Variants in DKK2 observed in about 807,000 individuals in gnomAD.
DKK2 encodes dickkopf Wnt signaling pathway inhibitor 2.
In DKK2, 11 loss-of-function variants were observed where a neutral mutation model predicts 28.1. The observed-to-expected ratio is 0.39, with a 90% CI of 0.25 to 0.65. The LOEUF (loss-of-function observed/expected upper bound fraction) is 0.65. DKK2 is among the 30% of genes least tolerant of loss of function. The probability of loss-of-function intolerance (pLI) is 0.47; values close to 1 mark genes in which losing one functional copy is unlikely to be tolerated. For missense variants in DKK2, 326 were observed against 335.5 expected, an observed-to-expected ratio of 0.97 and a Z score of 0.22; for synonymous variants, 135 against 126.5, an observed-to-expected ratio of 1.07 and a Z score of -0.45.
At chr4:106,937,967 C>G (rs1181910016) in intron 1 of DKK2, among the ~76,000 whole-genome samples, 2 of 143,672 alleles carry the variant, frequency 1.4e-5, no homozygotes, top group Non-Finnish European at 3.1e-5. Context: ...GCATTCAAAG[C>G]AGTGTGTAGA....
intron 1 of DKK2, among the ~76,000 whole-genome samples, chr4:107,027,778 G>A (rs1723808641): frequency 2.2e-5 from 2 of 91,474 alleles, no homozygotes; most frequent in African/African-American, 3.8e-5. Flanking sequence ...TTGAGACAGA[G>A]TCTCGCTCTG....
intron 1 of DKK2, among the ~76,000 whole-genome samples, chr4:106,951,401 C>T (rs1327696717): frequency 6.6e-6 from 1 of 152,062 alleles, no homozygotes; most frequent in Non-Finnish European, 1.5e-5. Flanking sequence ...TACTGCAGTC[C>T]TATTCACAAT....
chr4:106,975,486 G>A (rs1290875977), intron 1 of DKK2, among the ~76,000 whole-genome samples: 5 of 152,066 alleles, frequency 3.3e-5, no homozygotes, highest in African/African-American at 1.2e-4. Context: ...TATGTGTCTA[G>A]GAATTTATCC....
At chr4:107,029,372 T>A (rs552886589) in intron 1 of DKK2, among the ~76,000 whole-genome samples, 1 of 152,210 alleles carries the variant, frequency 6.6e-6, no homozygotes, top group Non-Finnish European at 1.5e-5. Context: ...AACCTCTCTA[T>A]GTCTCAGGAA....
intron 1 of DKK2, among the ~76,000 whole-genome samples, chr4:107,017,200 T>G (rs1723622345): frequency 6.6e-6 from 1 of 152,050 alleles, no homozygotes; most frequent in Admixed American, 6.6e-5. Flanking sequence ...CTCACCATTC[T>G]GTAGAACAAA....
At chr4:106,976,441 T>C (rs1175655441) in intron 1 of DKK2, among the ~76,000 whole-genome samples, 1 of 152,208 alleles carries the variant, frequency 6.6e-6, no homozygotes, top group Non-Finnish European at 1.5e-5. Flanking sequence ...GGTGCATATA[T>C]ATTTAGGATA....
chr4:106,963,793 T>C (rs1242532061), intron 1 of DKK2, among the ~76,000 whole-genome samples: 1 of 152,224 alleles, frequency 6.6e-6, no homozygotes, highest in African/African-American at 2.4e-5. Context: ...CAACAATGGA[T>C]GAATTGATAA....
At chr4:107,012,079 CA>C (rs1257821151) in intron 1 of DKK2, among the ~76,000 whole-genome samples, 3 of 151,162 alleles carry the variant, frequency 2.0e-5, no homozygotes, top group Non-Finnish European at 4.5e-5. Context: ...ATTTAAATAA[CA>C]AAAATCATTT....
chr4:106,935,847 C>T (rs1313741586), intron 1 of DKK2, among the ~76,000 whole-genome samples: 1 of 152,224 alleles, frequency 6.6e-6, no homozygotes, highest in African/African-American at 2.4e-5. Context: ...CACACCCCAG[C>T]AGGGTCACAC....
At chr4:106,978,751 T>G (rs1295807722) in intron 1 of DKK2, among the ~76,000 whole-genome samples, 1 of 151,834 alleles carries the variant, frequency 6.6e-6, no homozygotes, top group Non-Finnish European at 1.5e-5. Flanking sequence ...GAGTGAATGG[T>G]TTTGTCTTGC....
intron 1 of DKK2, among the ~76,000 whole-genome samples, chr4:106,955,606 T>C (rs1014730378): frequency 2.0e-5 from 3 of 152,136 alleles, no homozygotes; most frequent in Non-Finnish European, 2.9e-5. Context: ...AAAAGAAGAA[T>C]CAAATTGTTT....
intron 1 of DKK2, among the ~76,000 whole-genome samples, chr4:106,938,762 C>T (rs1285788729): frequency 6.6e-6 from 1 of 151,812 alleles, no homozygotes; most frequent in African/African-American, 2.4e-5. Context: ...GCTTATTCAC[C>T]ATGATCAAGT....
At chr4:106,981,829 T>A (rs1723030002) in intron 1 of DKK2, among the ~76,000 whole-genome samples, 1 of 152,164 alleles carries the variant, frequency 6.6e-6, no homozygotes. Flanking sequence ...TCACCCTATT[T>A]ATATCATACT....
rs1724430669 is a variant in DKK2, at chr4:106,926,695, A to G, written c.223-746T>C. Among the ~76,000 whole-genome samples the G allele has an allele frequency of 2.0e-5, 3 of 152,196 alleles. 1 individual carries two copies. Among genetic ancestry groups the G allele is most frequent in the African/African-American group, 7.2e-5 (3 of 41,458 alleles). On this transcript the variant is annotated intron_variant, in intron 1 of 3. Coordinates refer to ENST00000285311, the MANE Select transcript of DKK2 (RefSeq NM_014421.3). ...ACAGGCTACTACGCCTTCTATTGTA[A>G]AGAAAGAACCTCTGTTCATACATTT...
chr4:106,963,247 G>A (rs1722719796), intron 1 of DKK2, among the ~76,000 whole-genome samples: 1 of 151,806 alleles, frequency 6.6e-6, no homozygotes, highest in African/African-American at 2.4e-5. Flanking sequence ...CAGCTACTTG[G>A]GAGTCTGAGG....
At chr4:106,933,481 A>G (rs1454163356) in intron 1 of DKK2, among the ~76,000 whole-genome samples, 1 of 152,210 alleles carries the variant, frequency 6.6e-6, no homozygotes, top group Non-Finnish European at 1.5e-5. Flanking sequence ...CATAACACAC[A>G]CACCAGTGCA....
intron 1 of DKK2, among the ~76,000 whole-genome samples, chr4:106,968,309 T>G (rs2110353213): frequency 6.6e-6 from 1 of 152,220 alleles, no homozygotes; most frequent in Admixed American, 6.5e-5. Context: ...TTGAACTTTC[T>G]CCAAAACATC....
At chr4:106,999,047 T>C (rs909416041) in intron 1 of DKK2, among the ~76,000 whole-genome samples, 1 of 152,184 alleles carries the variant, frequency 6.6e-6, no homozygotes, top group Non-Finnish European at 1.5e-5. Context: ...AAAAGGGGGA[T>C]TGGCTTCAGA....
intron 1 of DKK2, among the ~76,000 whole-genome samples, chr4:106,941,102 G>A (rs545281350): frequency 9.9e-5 from 15 of 151,818 alleles, no homozygotes; most frequent in Non-Finnish European, 1.2e-4. Flanking sequence ...ACAACTTAAA[G>A]TATAATAAAA....
Sources: allele counts gnomAD v4.1 joint callset (sites outside exome capture counted in the v4.1 genomes callset), GRCh38; gene constraint gnomAD v4.1.1; transcripts MANE v1.5; gene names NCBI Gene and HGNC (gene_info 2026-07-23, HGNC 2026-07-21).